Variants in C1orf105 observed in about 807,000 individuals in gnomAD.
The protein encoded by C1orf105 is chromosome 1 open reading frame 105, also known as uncharacterized protein C1orf105.
In C1orf105, 17 loss-of-function variants were observed where a neutral mutation model predicts 20.8. The ratio of observed to expected loss-of-function variants is 0.82; its 90% confidence interval spans 0.56 to 1.23. C1orf105 has a LOEUF of 1.23. C1orf105 is among the 50% of genes most tolerant of loss of function. The pLI is 0.00. For missense variants in C1orf105, 219 were observed against 213.5 expected, an observed-to-expected ratio of 1.03 and a Z score of -0.16; for synonymous variants, 72 against 72.1, an observed-to-expected ratio of 1.00 and a Z score of 0.01.
intron 3 of C1orf105, among the ~76,000 whole-genome samples, chr1:172,451,567 A>C (rs1648637821): frequency 6.6e-6 from 1 of 152,192 alleles, no homozygotes; most frequent in African/African-American, 2.4e-5. Context: ...GCTTATGTTG[A>C]TCTAGTGCAT....
chr1:172,427,720 C>A (rs1238375946), intron 1 of C1orf105, among the ~76,000 whole-genome samples: 1 of 152,186 alleles, frequency 6.6e-6, no homozygotes, highest in Non-Finnish European at 1.5e-5. Context: ...ACACAGAATT[C>A]TCTTGCTTTT....
chr1:172,465,230 T>C, intron 5 of C1orf105, 69 bp from the exon 6 acceptor site: 1 of 783,888 alleles, frequency 1.3e-6, no homozygotes, highest in Non-Finnish European at 2.0e-6. Flanking sequence ...TAAAAATGTA[T>C]AAAGGCACAT....
intron 1 of C1orf105, chr1:172,441,712 G>A (rs528087855): frequency 6.6e-7 from 1 of 1,524,394 alleles, no homozygotes; most frequent in African/African-American, 1.4e-5. Flanking sequence ...CTTTAATAAT[G>A]TAATGGATGT....
At chr1:172,420,981 G>C in intron 1 of C1orf105, 75 bp downstream of exon 1, 1 of 1,379,400 alleles carries the variant, frequency 7.2e-7, no homozygotes, top group South Asian at 1.2e-5. Flanking sequence ...ATGCCTTGGA[G>C]GCCACATAAA....
At position 172,444,273 on chromosome 1, in the gene C1orf105, T is replaced by C. The variant is rs1018171374; in HGVS notation, c.22-800T>C. On this transcript the variant is annotated intron_variant, in intron 1 of 6. Coordinates refer to ENST00000367727, the MANE Select transcript of C1orf105 (RefSeq NM_139240.4). The stretch of plus-strand genomic sequence containing the variant: ...CCCTATTGAAAGATGGGATGTGCCA[T>C]CTGAAGGACTGGGTAAGGCAAGAGA... The C allele has an allele frequency of 6.1e-6, 6 of 985,312 alleles. No individual in the cohort carries two copies. In the South Asian group the frequency reaches 2.3e-4, roughly 39 times the overall value. 61.0% of individuals were successfully genotyped at this position (985,312 alleles called of 1,614,324 possible).
chr1:172,434,649 A>C (rs2071978736), intron 1 of C1orf105, among the ~76,000 whole-genome samples: 2 of 152,256 alleles, frequency 1.3e-5, no homozygotes, highest in Admixed American at 1.3e-4. Flanking sequence ...CAAGAAAAGC[A>C]GGAAAGATCT....
At chr1:172,443,042 T>C (rs957501430) in intron 1 of C1orf105, 9 of 178,740 alleles carry the variant, frequency 5.0e-5, no homozygotes, top group African/African-American at 2.2e-4. Context: ...GAGTACCTAC[T>C]ATGTGCTAAG....
At chr1:172,440,290 C>T (rs149985949) in intron 1 of C1orf105, among the ~76,000 whole-genome samples, 112 of 152,350 alleles carry the variant, frequency 7.4e-4, no homozygotes, top group African/African-American at 2.5e-3. Flanking sequence ...GAGGTGCCTG[C>T]TGCATTTGGC....
chr1:172,453,829 C>A (rs1648933236), intron 3 of C1orf105, among the ~76,000 whole-genome samples: 1 of 152,116 alleles, frequency 6.6e-6, no homozygotes, highest in Non-Finnish European at 1.5e-5. Context: ...GGTAGCAGCC[C>A]AGGAGAAAGG....
intron 1 of C1orf105, among the ~76,000 whole-genome samples, chr1:172,433,502 T>C (rs1178346865): frequency 6.6e-6 from 1 of 152,164 alleles, no homozygotes. Flanking sequence ...CCAGCCAAAC[T>C]AAGCTTCATA....
intron 5 of C1orf105, among the ~76,000 whole-genome samples, chr1:172,463,965 A>G (rs1223376488): frequency 1.3e-5 from 2 of 152,182 alleles, no homozygotes; most frequent in Non-Finnish European, 1.5e-5. Flanking sequence ...TAACTTTTCC[A>G]AATTTGTTTC....
chr1:172,465,220 T>C, intron 5 of C1orf105, 79 bp from the exon 6 acceptor site: 1 of 648,028 alleles, frequency 1.5e-6, no homozygotes, highest in Non-Finnish European at 2.4e-6. Context: ...TAAATAAAAA[T>C]AAAAATGTAT....
chr1:172,453,107 T>C, intron 3 of C1orf105: 1 of 1,550,962 alleles, frequency 6.4e-7, no homozygotes, highest in East Asian at 2.4e-5. Flanking sequence ...CTTCCACGAC[T>C]CTTCAATGCC....
At chr1:172,447,949 A>C (rs1648196481) in intron 2 of C1orf105, among the ~76,000 whole-genome samples, 1 of 152,210 alleles carries the variant, frequency 6.6e-6, no homozygotes, top group African/African-American at 2.4e-5. Flanking sequence ...TCACTGCTTC[A>C]ACTGCTAACT....
chr1:172,426,504 GC>G (rs2071726342), intron 1 of C1orf105, among the ~76,000 whole-genome samples: 1 of 151,330 alleles, frequency 6.6e-6, no homozygotes, highest in African/African-American at 2.4e-5. Context: ...ATTTTCATAC[GC>G]TTCTTGGTAA....
At chr1:172,439,504 C>T (rs968935671) in intron 1 of C1orf105, among the ~76,000 whole-genome samples, 1 of 152,082 alleles carries the variant, frequency 6.6e-6, no homozygotes, top group Admixed American at 6.6e-5. Flanking sequence ...GCATCTATCC[C>T]GCAACTCTCC....
intron 3 of C1orf105, among the ~76,000 whole-genome samples, chr1:172,455,716 C>T (rs2149185229): frequency 6.6e-6 from 1 of 152,310 alleles, no homozygotes; most frequent in Middle Eastern, 3.4e-3. Context: ...GGTGCCCCTC[C>T]CCTTCCTCCA....
intron 1 of C1orf105, among the ~76,000 whole-genome samples, chr1:172,441,242 T>C (rs1197993806): frequency 2.0e-5 from 3 of 152,158 alleles, no homozygotes; most frequent in Admixed American, 2.0e-4. Context: ...AGTAACCAAT[T>C]CTGTGATCTT....
intron 5 of C1orf105, 89 bp downstream of exon 5, chr1:172,462,334 A>G (rs966393973): frequency 8.2e-5 from 78 of 952,728 alleles, no homozygotes; most frequent in Non-Finnish European, 1.0e-4. Flanking sequence ...AGTAAGAGGA[A>G]TGTTTAAGGA....
Sources: gnomAD v4.1 joint callset for allele counts (sites outside exome capture counted in the v4.1 genomes callset) on GRCh38, gnomAD v4.1.1 for gene constraint, MANE v1.5 for transcripts, NCBI Gene and HGNC (gene_info 2026-07-23, HGNC 2026-07-21) for gene names.